CHST10: variants seen among roughly 807,000 people sequenced by gnomAD.
CHST10 encodes HNK-1 sulfotransferase.
Under a neutral mutation model 34.7 loss-of-function variants are expected in CHST10, and 24 were observed. The observed-to-expected ratio is 0.69, with a 90% CI of 0.50 to 0.97. The LOEUF is 0.97. Among genes scored for constraint, CHST10 ranks in the 50% least tolerant of loss-of-function variants. The pLI is 0.00. For missense variants in CHST10, 402 were observed against 452.1 expected (o/e 0.89, Z 1.00); for synonymous variants, 161 against 169.3 (o/e 0.95, Z 0.38).
In CHST10 at chr2:100,406,550, T is replaced by G. The variant is rs754711522; in HGVS notation, c.100+26A>C. ...GCAGCTAGGTCTAAATTAGCCAAAA[T>G]TCGTTCCACCATGAAGCATACGTAC... is the stretch of plus-strand genomic sequence containing the variant. On this transcript the variant is annotated intron_variant, in intron 3 of 6. Coordinates refer to ENST00000264249, the MANE Select transcript of CHST10 (RefSeq NM_004854.5). The G allele has an allele frequency of 4.3e-6, 7 of 1,613,120 alleles. No individual in the cohort carries two copies. In the South Asian group the frequency reaches 6.6e-5, roughly 15 times the overall value.
At chr2:100,406,435 G>T in intron 3 of CHST10, 141 bp downstream of exon 3, 2 of 867,568 alleles carry the variant, frequency 2.3e-6, no homozygotes, top group Non-Finnish European at 3.5e-6. Flanking sequence ...ATGAAGGAAC[G>T]GAGGCCATGA....
intron 2 of CHST10, among the ~76,000 whole-genome samples, chr2:100,410,387 T>C (rs1403297393): frequency 2.6e-5 from 4 of 152,182 alleles, no homozygotes; most frequent in African/African-American, 9.7e-5. Flanking sequence ...GTCCAGATGC[T>C]CTCGCTATGT....
At chr2:100,408,070 G>C (rs1165375228) in intron 2 of CHST10, 2 of 151,964 alleles carry the variant, frequency 1.3e-5, no homozygotes, top group Admixed American at 6.6e-5. Flanking sequence ...GGTTCCCCAA[G>C]TCGGGTTGAA....
intron 5 of CHST10, among the ~76,000 whole-genome samples, chr2:100,396,941 T>C (rs1012888689): frequency 1.3e-5 from 2 of 152,226 alleles, no homozygotes; most frequent in Non-Finnish European, 2.9e-5. Context: ...ATCCAATCAC[T>C]GCAGAAGCAC....
At chr2:100,402,065 C>G (rs538559569) in intron 4 of CHST10, among the ~76,000 whole-genome samples, 10 of 152,302 alleles carry the variant, frequency 6.6e-5, no homozygotes, top group Middle Eastern at 3.4e-3. Flanking sequence ...CCAGCAAGGG[C>G]TGGGTGGAAG....
chr2:100,392,805 C>CG lies in CHST10; in HGVS notation c.*439_*440insC. On this transcript the variant is annotated 3_prime_UTR_variant, in exon 7 of 7. Transcript: ENST00000264249. ...TTCAGCAGCCCCCTTGCTTCTCTGT[C>CG]CCTCCTCAGAGTCCTGGGTGCTGTT... 1.1e-5 allele frequency: 2 copies of CG among 177,760 alleles called. No homozygotes were observed. The highest frequency in any genetic ancestry group is 1.4e-4 in the South Asian group (1 of 7,060). 11.0% of individuals were successfully genotyped at this position (177,760 alleles called of 1,614,324 possible). A position where few individuals can be genotyped will look rare whatever the true frequency, so the allele number is the denominator to read the frequency against.
chr2:100,410,238 C>T (rs1292392597), intron 2 of CHST10, among the ~76,000 whole-genome samples: 1 of 152,212 alleles, frequency 6.6e-6, no homozygotes, highest in Non-Finnish European at 1.5e-5. Flanking sequence ...CTTGTACACT[C>T]GGGGTAAGCA....
chr2:100,395,336 T>C lies in CHST10; in HGVS notation c.533+173A>G, dbSNP rs1053344663. Among the ~76,000 whole-genome samples the C allele has an allele frequency of 3.9e-5, 6 of 152,210 alleles. 1 individual carries two copies. The East Asian group carries it at 1.2e-3, about 29-fold the overall frequency. ...AAATTCTCAGAAGGAACTGAGAGTT[T>C]TGAGGCGCCGAATGGGGGGTGTAGC... On this transcript the variant is annotated intron_variant, in intron 6 of 6. Transcript: ENST00000264249.
intron 5 of CHST10, among the ~76,000 whole-genome samples, chr2:100,396,686 C>G (rs1337700181): frequency 6.6e-6 from 1 of 152,058 alleles, no homozygotes; most frequent in African/African-American, 2.4e-5. Flanking sequence ...ACATATGGGC[C>G]CATTCATGCA....
intron 2 of CHST10, chr2:100,407,931 T>C (rs1212676009): frequency 1.3e-5 from 2 of 151,976 alleles, no homozygotes; most frequent in Non-Finnish European, 2.9e-5. Context: ...TCCCCCAAGT[T>C]AAGATTGAAT....
intron 5 of CHST10, among the ~76,000 whole-genome samples, chr2:100,396,060 T>G (rs1675045307): frequency 6.6e-6 from 1 of 152,218 alleles, no homozygotes; most frequent in South Asian, 2.1e-4. Context: ...CCGCAGCAGC[T>G]TCACAGCCCC....
At chr2:100,409,452 T>C (rs972140385) in intron 2 of CHST10, among the ~76,000 whole-genome samples, 2 of 152,136 alleles carry the variant, frequency 1.3e-5, no homozygotes, top group African/African-American at 4.8e-5. Context: ...TCCTAAGTAT[T>C]GGATTTTCAT....
At chr2:100,405,313 T>C (rs1277197359) in intron 3 of CHST10, among the ~76,000 whole-genome samples, 2 of 152,174 alleles carry the variant, frequency 1.3e-5, no homozygotes, top group African/African-American at 4.8e-5. Flanking sequence ...CAGGTTTCTC[T>C]CCAGGGCTCC....
In CHST10 at chr2:100,406,781, G is replaced by C. The variant is rs1675598965; in HGVS notation, c.-32-74C>G. The C allele has an allele frequency of 3.8e-6, 6 of 1,559,482 alleles. No homozygotes were observed. In the South Asian group the frequency reaches 7.0e-5, roughly 18 times the overall value. On this transcript the variant is annotated intron_variant, in intron 2 of 6. Transcript: ENST00000264249. ...CAACAAAGAGGAATGAAAACGACAGGTGATTTCAGTCAGTAAGTATCAGCA... is the reference window on the plus strand; with the variant it reads ...CAACAAAGAGGAATGAAAACGACAGCTGATTTCAGTCAGTAAGTATCAGCA...
intron 2 of CHST10, among the ~76,000 whole-genome samples, chr2:100,410,142 C>A (rs1388810517): frequency 6.6e-6 from 1 of 152,252 alleles, no homozygotes; most frequent in African/African-American, 2.4e-5. Flanking sequence ...GGCTGTAGAG[C>A]CCCTTGCAGG....
chr2:100,411,113 T>C (rs1675815390), intron 2 of CHST10, among the ~76,000 whole-genome samples: 2 of 147,490 alleles, frequency 1.4e-5, no homozygotes, highest in East Asian at 3.9e-4. Flanking sequence ...ATAAGCATTT[T>C]TTCTTTTTTT....
chr2:100,394,050 T>C (rs1050465501), intron 6 of CHST10, among the ~76,000 whole-genome samples: 4 of 152,218 alleles, frequency 2.6e-5, no homozygotes, highest in African/African-American at 9.6e-5. Context: ...GCAGTCACTG[T>C]GAAGACATCT....
intron 2 of CHST10, among the ~76,000 whole-genome samples, chr2:100,411,929 C>T (rs1346979258): frequency 6.6e-6 from 1 of 152,196 alleles, no homozygotes; most frequent in African/African-American, 2.4e-5. Context: ...CCCTGAGTAA[C>T]TAAACGCAGG....
chr2:100,406,445 A>G, intron 3 of CHST10, 131 bp downstream of exon 3: 1 of 1,145,528 alleles, frequency 8.7e-7, no homozygotes, highest in Non-Finnish European at 1.2e-6. Flanking sequence ...GGAGGCCATG[A>G]CCTCCAAGGT....
Sources: gnomAD v4.1 joint callset for allele counts (sites outside exome capture counted in the v4.1 genomes callset) on GRCh38, gnomAD v4.1.1 for gene constraint, MANE v1.5 for transcripts, NCBI Gene and HGNC (gene_info 2026-07-23, HGNC 2026-07-21) for gene names.